The following PLAG1 variants were observed in gnomAD, a reference collection of about 807,000 sequenced individuals.
PLAG1 encodes the protein zinc finger protein PLAG1.
In PLAG1, 7 loss-of-function variants were observed where a neutral mutation model predicts 35.5. The ratio of observed to expected loss-of-function variants is 0.20; its 90% CI spans 0.11 to 0.37. The LOEUF (loss-of-function observed/expected upper bound fraction) is 0.37. Among genes scored for constraint, PLAG1 ranks in the 10% least tolerant of loss-of-function variants. PLAG1 has a pLI of 1.00. For missense variants in PLAG1, 454 were observed against 602.8 expected, an observed-to-expected ratio of 0.75 and a Z score of 2.58; for synonymous variants, 229 against 225.4, an observed-to-expected ratio of 1.02 and a Z score of -0.14.
intron 1 of PLAG1, among the ~76,000 whole-genome samples, chr8:56,197,173 G>A (rs1209595973): frequency 6.6e-6 from 1 of 152,060 alleles, no homozygotes; most frequent in African/African-American, 2.4e-5. Context: ...GCTTCTGTGT[G>A]TGTACCCCCA....
chr8:56,196,801 TC>T (rs1812381015), intron 1 of PLAG1, among the ~76,000 whole-genome samples: 2 of 151,948 alleles, frequency 1.3e-5, no homozygotes, highest in Non-Finnish European at 2.9e-5. Flanking sequence ...GTGTGTGTCC[TC>T]CTCTATGCAT....
chr8:56,200,818 T>C (rs576720047), intron 1 of PLAG1, among the ~76,000 whole-genome samples: 3 of 152,268 alleles, frequency 2.0e-5, no homozygotes, highest in Non-Finnish European at 4.4e-5. Flanking sequence ...TGAGCACCTA[T>C]AGTTTTTACT....
At chr8:56,194,316 CAAAA>C (rs544697171) in intron 1 of PLAG1, among the ~76,000 whole-genome samples, 2 of 56,288 alleles carry the variant, frequency 3.6e-5, no homozygotes, top group African/African-American at 6.3e-5. Flanking sequence ...AACTCTGTCT[CAAAA>C]AAAAAAAAAA....
intron 2 of PLAG1, chr8:56,177,871 G>A (rs1008517818): frequency 3.2e-5 from 5 of 157,638 alleles, no homozygotes; most frequent in Non-Finnish European, 6.8e-5. Flanking sequence ...AAGCACCACC[G>A]CCACCTGGGA....
At chr8:56,178,082 G>GAA in intron 2 of PLAG1, 1 of 511,248 alleles carries the variant, frequency 2.0e-6, no homozygotes, top group Non-Finnish European at 2.3e-6. Flanking sequence ...GGAACTACAG[G>GAA]TTGATCATGA....
At chr8:56,193,933 T>C (rs557125953) in intron 1 of PLAG1, among the ~76,000 whole-genome samples, 6 of 152,258 alleles carry the variant, frequency 3.9e-5, no homozygotes, top group African/African-American at 1.4e-4. Context: ...TTAGCCAGGA[T>C]GGTCTCGATC....
In PLAG1 at chr8:56,165,575, C is replaced by T. The variant is rs1484494364; in HGVS notation, c.*668G>A. On this transcript the variant is annotated 3_prime_UTR_variant, in exon 5 of 5. Transcript: ENST00000316981. Reference sequence around the variant, plus strand: ...TAAGTGACACGAAATGCCATGTCACCTAACAGAGTCTCTTTTTGCTATAAA... The same window carrying T: ...TAAGTGACACGAAATGCCATGTCACTTAACAGAGTCTCTTTTTGCTATAAA... 4.9e-6 allele frequency: 1 copy of T among 204,896 alleles called. No individual in the cohort carries two copies. Among genetic ancestry groups the T allele is most frequent in the Admixed American group, 5.9e-5 (1 of 16,820 alleles). The allele number at this position is 204,896 out of a possible 1,614,324, so 12.7% of individuals were successfully genotyped here.
At chr8:56,198,065 G>A (rs947799038) in intron 1 of PLAG1, among the ~76,000 whole-genome samples, 14 of 152,176 alleles carry the variant, frequency 9.2e-5, no homozygotes, top group African/African-American at 3.4e-4. Context: ...TGGATGGCCC[G>A]CATCACACAG....
chr8:56,209,960 T>C (rs2129237034), intron 1 of PLAG1, among the ~76,000 whole-genome samples: 1 of 152,154 alleles, frequency 6.6e-6, no homozygotes, highest in East Asian at 1.9e-4. Context: ...CCCGCAAAGA[T>C]CATTAAAAGA....
At chr8:56,170,429 T>C (rs982763542) in intron 3 of PLAG1, among the ~76,000 whole-genome samples, 4 of 152,222 alleles carry the variant, frequency 2.6e-5, no homozygotes, top group African/African-American at 7.2e-5. Context: ...CTGTGACCAG[T>C]AATGACACTA....
chr8:56,211,107 C>A lies in PLAG1; in HGVS notation c.-322+14G>T, dbSNP rs1032508857. On this transcript the variant is annotated intron_variant, in intron 1 of 4. Coordinates refer to ENST00000316981, the MANE Select transcript of PLAG1 (RefSeq NM_002655.3). ...AAACGCCTCGCCGCCGCCCCGGACC[C>A]CCGGAGAACTCACCGCGGGGCTTTA... 6.5e-6 allele frequency: 1 copy of A among 153,192 alleles called. No homozygotes were observed. Among genetic ancestry groups the A allele is most frequent in the Admixed American group, 6.5e-5 (1 of 15,280 alleles). 9.5% of individuals were successfully genotyped at this position (153,192 alleles called of 1,614,324 possible). A position where few individuals can be genotyped will look rare whatever the true frequency, so the allele number is the denominator to read the frequency against.
chr8:56,166,736 C>A lies in PLAG1; in HGVS notation c.1010G>T (p.Ser337Ile), dbSNP rs771485745. ...AATAGAAATTGCATATGAGGTAGAA[C>A]TGAACGGATATTTGAAAGAAAGGTG... ...SHHLSFKYPF[S>I]STSYAISIPE... Residue 337 changes from serine to isoleucine, a missense_variant, in exon 5 of 5, where the codon AGT becomes ATT. Physicochemically the swap from Ser to Ile is moderately radical, Grantham distance 142. Around this residue, in one of 4 missense-constraint regions of PLAG1, gnomAD observed 271 missense variants for 315.6 expected, o/e 0.86. Coordinates refer to ENST00000316981, the MANE Select transcript of PLAG1 (RefSeq NM_002655.3). 1.9e-6 allele frequency: 3 copies of A among 1,614,028 alleles called. No homozygotes were observed. The highest frequency in any genetic ancestry group is 1.7e-6 in the Non-Finnish European group (2 of 1,180,000).
chr8:56,203,235 T>C (rs1392715499), intron 1 of PLAG1, among the ~76,000 whole-genome samples: 1 of 152,150 alleles, frequency 6.6e-6, no homozygotes, highest in Non-Finnish European at 1.5e-5. Context: ...AAAAAGTAGA[T>C]TCAGATACAA....
At chr8:56,193,429 T>C (rs779297067) in intron 1 of PLAG1, among the ~76,000 whole-genome samples, 1 of 152,228 alleles carries the variant, frequency 6.6e-6, no homozygotes, top group African/African-American at 2.4e-5. Context: ...CATGTACATG[T>C]ACCACAAGCT....
chr8:56,202,332 T>C (rs1392397020), intron 1 of PLAG1, among the ~76,000 whole-genome samples: 3 of 152,212 alleles, frequency 2.0e-5, no homozygotes, highest in Non-Finnish European at 2.9e-5. Context: ...TTGGATGTTA[T>C]TGCTTGATTT....
At position 56,209,427 on chromosome 8, in the gene PLAG1, G is replaced by T. The variant is rs77124249; in HGVS notation, c.-322+1694C>A. The T allele has an allele frequency of 6.0e-3, 914 of 152,322 alleles. 7 individuals carry two copies. Among genetic ancestry groups the T allele is most frequent in the Non-Finnish European group, 0.011 (765 of 68,054 alleles). 9.4% of individuals were successfully genotyped at this position (152,322 alleles called of 1,614,324 possible). On this transcript the variant is annotated intron_variant, in intron 1 of 4. Transcript: ENST00000316981. ...TGCACTGGAGTAACAGAAAGGGAAG[G>T]CTCTTCCATCACCACACCCTCCCAG... is the stretch of plus-strand genomic sequence containing the variant.
At position 56,166,942 on chromosome 8, in the gene PLAG1, C is replaced by A. The variant is rs141511335; in HGVS notation, c.804G>T (p.Pro268=). 7.4e-6 allele frequency: 12 copies of A among 1,613,844 alleles called. No homozygotes were observed. The African/African-American group carries it at 1.5e-4, about 20-fold the overall frequency. ...GTTCACTGGAAGGTAAGGACATCACCGGAAGGAGCTCGTCTTTTATAGGCA... is the reference window on the plus strand; with the variant it reads ...GTTCACTGGAAGGTAAGGACATCACAGGAAGGAGCTCGTCTTTTATAGGCA... ...VSVPIKDELL[P]VMSLPSSELL... is the part of the protein sequence containing the mutation. Residue 268 remains proline, a synonymous_variant, in exon 5 of 5, where the codon CCG becomes CCT. Transcript: ENST00000316981.
chr8:56,193,998 G>A (rs759902625), intron 1 of PLAG1, among the ~76,000 whole-genome samples: 5 of 152,054 alleles, frequency 3.3e-5, no homozygotes, highest in Admixed American at 6.5e-5. Context: ...GATTACAGGC[G>A]TGAGCCACCA....
intron 1 of PLAG1, among the ~76,000 whole-genome samples, chr8:56,195,668 A>T (rs1228781627): frequency 6.6e-6 from 1 of 152,188 alleles, no homozygotes; most frequent in African/African-American, 2.4e-5. Flanking sequence ...CAGCAGCTGG[A>T]GAGATCACCG....
Sources: allele counts gnomAD v4.1 joint callset (sites outside exome capture counted in the v4.1 genomes callset), GRCh38; gene constraint gnomAD v4.1.1; regional missense constraint gnomAD v4.1.1; transcripts MANE v1.5; gene names NCBI Gene and HGNC (gene_info 2026-07-23, HGNC 2026-07-21).